The following STARD6 variants were observed in gnomAD, a reference collection of about 807,000 sequenced individuals.
The protein encoded by STARD6 is StAR related lipid transfer domain containing 6.
Under a neutral mutation model 22.3 loss-of-function variants are expected in STARD6, and 21 were observed. The ratio of observed to expected loss-of-function variants is 0.94; its 90% CI spans 0.67 to 1.35. STARD6 has a LOEUF of 1.35. Among genes scored for constraint, STARD6 ranks in the 40% most tolerant of loss-of-function variants. The probability of loss-of-function intolerance (pLI) is 0.00; values close to 1 mark genes in which losing one functional copy is unlikely to be tolerated. For missense variants in STARD6, 269 were observed against 266.9 expected (o/e 1.01, Z -0.05); for synonymous variants, 80 against 88.1 (o/e 0.91, Z 0.52).
chr18:54,346,176 A>C (rs2089032199), intron 4 of STARD6, among the ~76,000 whole-genome samples: 1 of 152,178 alleles, frequency 6.6e-6, no homozygotes, highest in Non-Finnish European at 1.5e-5. Context: ...ATGTGATACT[A>C]AACTAGTATC....
intron 4 of STARD6, among the ~76,000 whole-genome samples, chr18:54,347,336 C>A (rs1184519429): frequency 6.6e-6 from 1 of 151,948 alleles, no homozygotes; most frequent in Non-Finnish European, 1.5e-5. Flanking sequence ...CTTGTATTTA[C>A]TCATTATAAA....
rs879475649 is a variant in STARD6 at position 54,341,171 on chromosome 18, TGCC to T, written c.141-3923_141-3921del. ...GCCTCCAGGGTTCACGCCATTCTCC[TGCC>T]TCAGCCTGCCAAGTAGCTGGGACTA... On this transcript the variant is annotated intron_variant, in intron 4 of 7. Transcript: ENST00000307844. Among the ~76,000 whole-genome samples the T allele has an allele frequency of 2.0e-3, 298 of 152,276 alleles. 1 individual carries two copies. The highest frequency in any genetic ancestry group is 3.9e-3 in the Admixed American group (59 of 15,302).
At chr18:54,352,898 TG>T (rs1486491781) in intron 4 of STARD6, among the ~76,000 whole-genome samples, 1 of 152,224 alleles carries the variant, frequency 6.6e-6, no homozygotes, top group African/African-American at 2.4e-5. Context: ...TGGTCTGATC[TG>T]TAAGATACCA....
rs143659832 is a variant in STARD6, at chr18:54,329,391, G to A, written c.435C>T (p.Arg145=). Residue 145 remains arginine (R), a synonymous_variant, in exon 7 of 8, where the codon CGC becomes CGT. Transcript: ENST00000307844. ...CAAAGCCACAAGGATGGTTATAACCGCGGATATAATTTGAAGATGGAGGAT... is the reference window on the plus strand; with the variant it reads ...CAAAGCCACAAGGATGGTTATAACCACGGATATAATTTGAAGATGGAGGAT... ...PEYPPSSNYI[R]GYNHPCGFVC... 1.6e-5 allele frequency: 25 copies of A among 1,604,852 alleles called. No homozygotes were observed. Among genetic ancestry groups the A allele is most frequent in the South Asian group, 1.3e-4 (12 of 89,348 alleles).
intron 5 of STARD6, among the ~76,000 whole-genome samples, chr18:54,334,018 A>G (rs2088888207): frequency 6.6e-6 from 1 of 152,228 alleles, no homozygotes; most frequent in African/African-American, 2.4e-5. Flanking sequence ...AAAACAGCTT[A>G]TTGAGTATAA....
intron 6 of STARD6, among the ~76,000 whole-genome samples, chr18:54,329,995 A>G (rs542841224): frequency 9.0e-4 from 137 of 152,016 alleles, no homozygotes; most frequent in African/African-American, 3.2e-3. Context: ...AAATCAATAG[A>G]GTTTATTTTA....
intron 5 of STARD6, among the ~76,000 whole-genome samples, chr18:54,334,174 AT>A (rs2088889494): frequency 6.6e-6 from 1 of 152,092 alleles, no homozygotes; most frequent in Non-Finnish European, 1.5e-5. Context: ...TATTGACTCT[AT>A]ATATCTTTGG....
intron 6 of STARD6, among the ~76,000 whole-genome samples, 153 bp from the exon 7 acceptor site, chr18:54,329,593 C>T (rs886458988): frequency 4.6e-5 from 7 of 152,070 alleles, no homozygotes; most frequent in Middle Eastern, 3.4e-3. Flanking sequence ...CATGTGAAGC[C>T]AAAATTGAGA....
rs1433846168 is a variant in STARD6, at chr18:54,356,376, T to C, written c.-20A>G. The C allele has an allele frequency of 6.6e-6, 1 of 152,246 alleles. No homozygotes were observed. Among genetic ancestry groups the C allele is most frequent in the African/African-American group, 2.4e-5 (1 of 41,470 alleles). 9.4% of individuals were successfully genotyped at this position (152,246 alleles called of 1,614,324 possible). On this transcript the variant is annotated 5_prime_UTR_variant, in exon 2 of 8. It removes the in-frame stop codon of an upstream open reading frame in the 5' UTR. Transcript: ENST00000307844. ...GTTTCTTTACCTTTCCTGACAGATC[T>C]AATGCAGAATTTTAGTAACTACTGG... is the stretch of plus-strand genomic sequence containing the variant.
rs777198718 is a variant in STARD6 at position 54,354,594 on chromosome 18, C to G, written c.-4-17G>C. ...TCCATCTATCTGCAAGTTTTAAAAA[C>G]AAACAACTGGTAAGAATATAACCAT... On this transcript the variant is annotated splice_polypyrimidine_tract_variant and intron_variant, in intron 2 of 7. Transcript: ENST00000307844. The G allele has an allele frequency of 6.4e-7, 1 of 1,569,618 alleles. No individual in the cohort carries two copies.
chr18:54,324,918 G>T lies in STARD6; in HGVS notation c.480-43C>A, dbSNP rs2088811303. 9 of 1,443,408 alleles carry T rather than the reference G, an allele frequency of 6.2e-6. No individual in the cohort carries two copies. The East Asian group carries it at 2.0e-4, about 32-fold the overall frequency. The allele number at this position is 1,443,408 out of a possible 1,614,324, so 89.4% of individuals were successfully genotyped here. ...GTTAAAAAAAGATAAGAAATTTTTA[G>T]ATTTAACTACTGACTTTACAGGTTT... On this transcript the variant is annotated intron_variant, in intron 7 of 7. Transcript: ENST00000307844.
Position 54,337,127 on chromosome 18 carries a change from A to T in STARD6, c.265T>A (p.Ser89Thr). Residue 89 changes from serine to threonine, a missense_variant and splice_region_variant, in exon 5 of 8, where the codon TCG (serine) becomes ACG (threonine). Transcript: ENST00000307844. ...TCCAGTATTAAACAACAAATTACCG[A>T]ATCAATCCTGTGTACCATATTATAC... ...QVYNMVHRID[S>T]DTFICHTITQ... 1 of 1,607,834 alleles carries T rather than the reference A, an allele frequency of 6.2e-7. No homozygotes were observed. The highest frequency in any genetic ancestry group is 1.1e-5 in the South Asian group (1 of 89,802).
At chr18:54,337,507 G>A (rs1056493748) in intron 4 of STARD6, among the ~76,000 whole-genome samples, 1 of 152,196 alleles carries the variant, frequency 6.6e-6, no homozygotes, top group South Asian at 2.1e-4. Flanking sequence ...TTTTTGGGGA[G>A]TCAAAACTTA....
At chr18:54,343,947 TG>T (rs1245601337) in intron 4 of STARD6, among the ~76,000 whole-genome samples, 2 of 37,858 alleles carry the variant, frequency 5.3e-5, no homozygotes, top group Non-Finnish European at 4.3e-5. Flanking sequence ...GCGAGGGAGG[TG>T]GGGGGGGTCA....
At position 54,326,326 on chromosome 18, in the gene STARD6, C is replaced by CT. The variant is rs11353724; in HGVS notation, c.480-1452dup. Among the ~76,000 whole-genome samples the CT allele has an allele frequency of 3.1e-3, 368 of 120,200 alleles. 2 individuals are homozygous for CT. The highest frequency in any genetic ancestry group is 0.013 in the East Asian group (53 of 4,080). The allele number at this position is 120,200 out of a possible 152,430, so 78.9% of individuals were successfully genotyped here. A position where few individuals can be genotyped will look rare whatever the true frequency, so the allele number is the denominator to read the frequency against. On this transcript the variant is annotated intron_variant, in intron 7 of 7. Transcript: ENST00000307844. ...CTAATTGAGTTGTCAGCTGACAGGTCTTTTTTTTTTTTTTTTTTCTTTTGA... is the reference window on the plus strand; with the variant it reads ...CTAATTGAGTTGTCAGCTGACAGGTCTTTTTTTTTTTTTTTTTTTCTTTTGA...
Position 54,335,413 on chromosome 18 carries a change from C to G in STARD6, c.267+1712G>C, listed in dbSNP as rs375669213. Among the ~76,000 whole-genome samples the G allele has an allele frequency of 1.2e-3, 185 of 152,098 alleles. 5 individuals are homozygous for G. The South Asian group carries it at 0.031, about 25-fold the overall frequency. On this transcript the variant is annotated intron_variant, in intron 5 of 7. Transcript: ENST00000307844. Reference sequence around the variant, plus strand: ...GTCACCATATTAGCTAGGCTGGTCTCAAACTCCTGACCTCAGGTGATCCAC... The same window carrying G: ...GTCACCATATTAGCTAGGCTGGTCTGAAACTCCTGACCTCAGGTGATCCAC...
At chr18:54,350,501 T>C (rs1342504200) in intron 4 of STARD6, among the ~76,000 whole-genome samples, 1 of 152,188 alleles carries the variant, frequency 6.6e-6, no homozygotes, top group African/African-American at 2.4e-5. Flanking sequence ...GTCCCAACTA[T>C]TTATTTTTGG....
chr18:54,329,503 G>A, intron 6 of STARD6, 63 bp from the exon 7 acceptor site: 2 of 1,320,154 alleles, frequency 1.5e-6, no homozygotes, highest in Non-Finnish European at 1.1e-6. Context: ...ATTTCCAGCA[G>A]CATATTTTTA....
intron 4 of STARD6, among the ~76,000 whole-genome samples, chr18:54,341,780 G>C (rs1444874610): frequency 6.6e-6 from 1 of 152,110 alleles, no homozygotes; most frequent in Non-Finnish European, 1.5e-5. Context: ...GTGCTTAGAG[G>C]AAAATTTATA....
Sources: gnomAD v4.1 joint callset for allele counts (sites outside exome capture counted in the v4.1 genomes callset) on GRCh38, gnomAD v4.1.1 for gene constraint, MANE v1.5 for transcripts, NCBI Gene and HGNC (gene_info 2026-07-23, HGNC 2026-07-21) for gene names.